MBNL1: variants seen among roughly 807,000 people sequenced by gnomAD.
MBNL1 encodes the protein muscleblind like splicing regulator 1.
MBNL1 carries 8 observed loss-of-function variants against 42.2 expected under a neutral mutation model. The ratio of observed to expected loss-of-function variants is 0.19; its 90% CI spans 0.11 to 0.34. The LOEUF (loss-of-function observed/expected upper bound fraction) is 0.34, where lower values mean the gene tolerates loss of function less well. Among genes scored for constraint, MBNL1 ranks in the 10% least tolerant of loss-of-function variants. The pLI is 1.00. For synonymous variants in MBNL1, 169 were observed against 173.9 expected (o/e 0.97, Z 0.22); for missense variants, 309 against 495.3 (o/e 0.62, Z 3.57).
At chr3:152,397,437 T>C (rs2098015155) in intron 2 of MBNL1, among the ~76,000 whole-genome samples, 1 of 152,142 alleles carries the variant, frequency 6.6e-6, no homozygotes, top group Non-Finnish European at 1.5e-5. Flanking sequence ...AACTCCTACT[T>C]ACACTTGAGA....
chr3:152,404,879 CA>C (rs2098384627), intron 2 of MBNL1, among the ~76,000 whole-genome samples: 1 of 151,644 alleles, frequency 6.6e-6, no homozygotes, highest in Non-Finnish European at 1.5e-5. Flanking sequence ...CCTCTTGCTT[CA>C]CTAGGTTTCT....
Position 152,446,867 on chromosome 3 carries a change from A to G in MBNL1, c.808-753A>G. On this transcript the variant is annotated intron_variant, in intron 5 of 9. Coordinates refer to ENST00000324210, the MANE Select transcript of MBNL1 (RefSeq NM_021038.5). ...ATCCTTTTTTCTGTTATAGAGTTGT[A>G]AAGTACAATGAAAAAACTGAGTGTG... 5.5e-6 allele frequency: 5 copies of G among 908,262 alleles called. No homozygotes were observed. In the South Asian group the frequency reaches 9.8e-5, roughly 18 times the overall value. 56.3% of individuals were successfully genotyped at this position (908,262 alleles called of 1,614,324 possible).
chr3:152,444,479 A>G (rs2099191715), intron 4 of MBNL1, among the ~76,000 whole-genome samples: 1 of 152,354 alleles, frequency 6.6e-6, no homozygotes, highest in East Asian at 1.9e-4. Context: ...ATAAAAAGCT[A>G]TCAAATTTGA....
At chr3:152,345,286 T>C (rs1358759016) in intron 2 of MBNL1, among the ~76,000 whole-genome samples, 1 of 152,126 alleles carries the variant, frequency 6.6e-6, no homozygotes, top group Non-Finnish European at 1.5e-5. Context: ...CCTGCCCTTA[T>C]CCTGGATGTG....
At chr3:152,294,893 A>G (rs1458739289) in intron 1 of MBNL1, among the ~76,000 whole-genome samples, 1 of 152,168 alleles carries the variant, frequency 6.6e-6, no homozygotes, top group African/African-American at 2.4e-5. Flanking sequence ...AGAGATTTCT[A>G]TTTTTTGAAA....
rs1456048054 is a variant in MBNL1, at chr3:152,453,335, A to G, written c.962-2207A>G. Among the ~76,000 whole-genome samples the G allele has an allele frequency of 2.0e-5, 3 of 152,182 alleles. No homozygotes were observed. In the East Asian group the frequency reaches 5.8e-4, roughly 29 times the overall value. Reference sequence around the variant, plus strand: ...CATCTTATTTGTAAATTATCATCCTAGTTTTTCCTACATTTTCATACATAT... The same window carrying G: ...CATCTTATTTGTAAATTATCATCCTGGTTTTTCCTACATTTTCATACATAT... On this transcript the variant is annotated intron_variant, in intron 6 of 9. Transcript: ENST00000324210.
chr3:152,254,417 A>C (rs1432493039), intron 2 of MBNL1, among the ~76,000 whole-genome samples: 1 of 151,936 alleles, frequency 6.6e-6, no homozygotes, highest in East Asian at 1.9e-4. Context: ...CCCCCAAGAA[A>C]AGCATGCACC....
chr3:152,383,603 T>A lies in MBNL1; in HGVS notation c.175-31338T>A, dbSNP rs149739137. Among the ~76,000 whole-genome samples, 823 of 152,240 alleles carry A rather than the reference T, an allele frequency of 5.4e-3. 7 individuals carry two copies. Among genetic ancestry groups the A allele is most frequent in the Middle Eastern group, 0.051 (15 of 294 alleles). The stretch of plus-strand genomic sequence containing the variant: ...ACAAAGGTTTCTTATGCCTGTGGAA[T>A]AGCTTCCATGGAGCTTTTTCCCAAG... On this transcript the variant is annotated intron_variant, in intron 2 of 9. Coordinates refer to ENST00000324210, the MANE Select transcript of MBNL1 (RefSeq NM_021038.5).
At chr3:152,417,330 G>A (rs2098719108) in intron 3 of MBNL1, among the ~76,000 whole-genome samples, 1 of 152,194 alleles carries the variant, frequency 6.6e-6, no homozygotes, top group Non-Finnish European at 1.5e-5. Context: ...GAAGCCAGGT[G>A]ACTAATGTGG....
Position 152,305,237 on chromosome 3 carries a change from G to T in MBNL1, c.174+4870G>T, listed in dbSNP as rs139529164. 2.0e-5 allele frequency among the ~76,000 whole-genome samples: 3 copies of T among 152,236 alleles called. No individual in the cohort carries two copies. In the East Asian group the frequency reaches 5.8e-4, roughly 29 times the overall value. ...AGTGTGGGGTGAATTGTCTTTTGAAGAACTGTATGACACATGCCCAGTTCA... is the reference window on the plus strand; with the variant it reads ...AGTGTGGGGTGAATTGTCTTTTGAATAACTGTATGACACATGCCCAGTTCA... On this transcript the variant is annotated intron_variant, in intron 2 of 9. Transcript: ENST00000324210.
intron 2 of MBNL1, among the ~76,000 whole-genome samples, chr3:152,355,198 T>C (rs1034432551): frequency 4.6e-5 from 7 of 152,352 alleles, no homozygotes; most frequent in African/African-American, 1.7e-4. Context: ...TGATTGGTGC[T>C]GGGACTCCAG....
chr3:152,407,814 G>A (rs1347082001), intron 2 of MBNL1, among the ~76,000 whole-genome samples: 1 of 152,122 alleles, frequency 6.6e-6, no homozygotes, highest in Non-Finnish European at 1.5e-5. Flanking sequence ...AAGAAACATA[G>A]TTACATCCTT....
intron 2 of MBNL1, among the ~76,000 whole-genome samples, chr3:152,371,445 A>G (rs942527491): frequency 6.6e-6 from 1 of 152,106 alleles, no homozygotes; most frequent in African/African-American, 2.4e-5. Flanking sequence ...TAAAAATACA[A>G]AATTAGCCAG....
chr3:152,311,694 C>A (rs1278050879), intron 2 of MBNL1, among the ~76,000 whole-genome samples: 1 of 151,998 alleles, frequency 6.6e-6, no homozygotes, highest in Admixed American at 6.5e-5. Flanking sequence ...TTAAAAATAG[C>A]TCACACTATT....
intron 2 of MBNL1, among the ~76,000 whole-genome samples, chr3:152,362,281 C>T (rs554725786): frequency 6.6e-6 from 1 of 152,272 alleles, no homozygotes; most frequent in African/African-American, 2.4e-5. Context: ...CTCACTGCCG[C>T]GCGGATCCAC....
intron 2 of MBNL1, among the ~76,000 whole-genome samples, chr3:152,366,252 C>T (rs1029285358): frequency 8.5e-5 from 13 of 152,098 alleles, no homozygotes; most frequent in African/African-American, 2.9e-4. Context: ...AGTTTAATTA[C>T]CATCAGAAGT....
chr3:152,441,272 G>T (rs547473477), intron 4 of MBNL1, among the ~76,000 whole-genome samples: 16 of 147,466 alleles, frequency 1.1e-4, no homozygotes, highest in Admixed American at 7.3e-4. Flanking sequence ...TAAAACTTAC[G>T]TTATTTTGAC....
chr3:152,245,677 CT>C (rs1032358242), intron 2 of MBNL1, among the ~76,000 whole-genome samples: 1 of 152,034 alleles, frequency 6.6e-6, no homozygotes, highest in Non-Finnish European at 1.5e-5. Flanking sequence ...AGTATGTTAC[CT>C]AGTACCTAGT....
chr3:152,252,197 CTCCT>C (rs2034720016), intron 2 of MBNL1, among the ~76,000 whole-genome samples: 3 of 110,618 alleles, frequency 2.7e-5, no homozygotes, highest in South Asian at 3.0e-4. Context: ...CCTTCCTTCC[CTCCT>C]TCCTTCCTTC....
Sources: allele counts gnomAD v4.1 joint callset (sites outside exome capture counted in the v4.1 genomes callset), GRCh38; gene constraint gnomAD v4.1.1; transcripts MANE v1.5; gene names NCBI Gene and HGNC (gene_info 2026-07-23, HGNC 2026-07-21).